Variants in SAV1 observed in about 807,000 individuals in gnomAD.
The protein encoded by SAV1 is salvador family WW domain containing protein 1.
Under a neutral mutation model 47.3 loss-of-function variants are expected in SAV1, and 23 were observed. That is an observed-to-expected ratio of 0.49 (90% confidence interval 0.35 to 0.69). The LOEUF (loss-of-function observed/expected upper bound fraction) is 0.69, where lower values mean the gene tolerates loss of function less well. Among genes scored for constraint, SAV1 ranks in the 30% least tolerant of loss-of-function variants. The pLI is 0.01. For synonymous variants in SAV1, 155 were observed against 159.2 expected (o/e 0.97, Z 0.20); for missense variants, 448 against 457.4 (o/e 0.98, Z 0.19).
In SAV1 at chr14:50,635,127, T is replaced by C; in HGVS notation, c.*56A>G. On this transcript the variant is annotated 3_prime_UTR_variant, in exon 5 of 5. Coordinates refer to ENST00000324679, the MANE Select transcript of SAV1 (RefSeq NM_021818.4). ...AACCAGAGTACTTGTTTGCAATTTT[T>C]TATCTGTGAAAATATTTTAAAGCTC... 1.5e-6 allele frequency: 2 copies of C among 1,355,956 alleles called. No individual in the cohort carries two copies. The highest frequency in any genetic ancestry group is 2.4e-5 in the South Asian group (2 of 82,530). The allele number at this position is 1,355,956 out of a possible 1,614,324, so 84.0% of individuals were successfully genotyped here.
In SAV1 at chr14:50,637,664, G is replaced by GTTTTTTTTTT. The variant is rs373647297; in HGVS notation, c.951-2290_951-2281dup. 4.3e-4 allele frequency: 25 copies of GTTTTTTTTTT among 58,278 alleles called. 1 individual carries two copies. Among genetic ancestry groups the GTTTTTTTTTT allele is most frequent in the African/African-American group, 1.1e-3 (25 of 23,142 alleles). 3.6% of individuals were successfully genotyped at this position (58,278 alleles called of 1,614,324 possible). A position where few individuals can be genotyped will look rare whatever the true frequency, so the allele number is the denominator to read the frequency against. On this transcript the variant is annotated intron_variant, in intron 4 of 4. Transcript: ENST00000324679. Reference sequence around the variant, plus strand: ...AAAAAATCTTCAAACAATTTTGTCAGTTTTTTTTTTTTTTTTTTTTTTTTT... The same window carrying GTTTTTTTTTT: ...AAAAAATCTTCAAACAATTTTGTCAGTTTTTTTTTTTTTTTTTTTTTTTTTTTTTTTTTTT...
At chr14:50,645,895 A>G (rs751207421) in intron 2 of SAV1, among the ~76,000 whole-genome samples, 17 of 152,168 alleles carry the variant, frequency 1.1e-4, no homozygotes, top group Non-Finnish European at 2.2e-4. Flanking sequence ...TGGAAACAAA[A>G]GTTATTGAGA....
chr14:50,667,571 T>A (rs999402010), intron 1 of SAV1: 27 of 501,090 alleles, frequency 5.4e-5, no homozygotes, highest in Non-Finnish European at 7.6e-5. Flanking sequence ...GCAATTTAAA[T>A]GTTTCCTACT....
At chr14:50,638,721 T>C (rs1251864650) in intron 4 of SAV1, among the ~76,000 whole-genome samples, 1 of 152,216 alleles carries the variant, frequency 6.6e-6, no homozygotes, top group Admixed American at 6.5e-5. Flanking sequence ...TAACAGAAAG[T>C]AAATATGTTC....
At chr14:50,639,766 G>T (rs941988910) in intron 4 of SAV1, among the ~76,000 whole-genome samples, 2 of 152,090 alleles carry the variant, frequency 1.3e-5, no homozygotes, top group African/African-American at 4.8e-5. Context: ...ACAACAGAAA[G>T]AATAACTCTC....
Position 50,639,611 on chromosome 14 carries a change from C to A in SAV1, c.950+1139G>T, listed in dbSNP as rs868114220. Among the ~76,000 whole-genome samples the A allele has an allele frequency of 2.0e-4, 31 of 152,246 alleles. No homozygotes were observed. The Middle Eastern group carries it at 0.017, about 84-fold the overall frequency. On this transcript the variant is annotated intron_variant, in intron 4 of 4. Transcript: ENST00000324679. Reference sequence around the variant, plus strand: ...GAGTTTTATAGTTAGCTCACAGAACCACAGAATTCAAAAAGACTATAATCT... The same window carrying A: ...GAGTTTTATAGTTAGCTCACAGAACAACAGAATTCAAAAAGACTATAATCT...
intron 4 of SAV1, among the ~76,000 whole-genome samples, chr14:50,640,180 T>G (rs1451472519): frequency 1.3e-5 from 2 of 152,174 alleles, no homozygotes; most frequent in African/African-American, 4.8e-5. Flanking sequence ...GACAGAGTCC[T>G]GCTATGTTGC....
intron 2 of SAV1, among the ~76,000 whole-genome samples, chr14:50,645,434 A>C (rs1424320334): frequency 6.6e-6 from 1 of 152,228 alleles, no homozygotes; most frequent in African/African-American, 2.4e-5. Context: ...TTTTATGCAC[A>C]AAATTATTTA....
Position 50,667,968 on chromosome 14 carries a change from C to G in SAV1, c.-1G>C, listed in dbSNP as rs753140432. 2.5e-6 allele frequency: 4 copies of G among 1,609,524 alleles called. No homozygotes were observed. In the South Asian group the frequency reaches 4.4e-5, roughly 18 times the overall value. ...TTTTGGTTTTCTTTCGGGACAGCAT[C>G]CTTCTCGACGAGGCCCGAGGCCGCG... On this transcript the variant is annotated 5_prime_UTR_variant, in exon 1 of 5. Transcript: ENST00000324679.
chr14:50,635,991 G>A (rs2140246156), intron 4 of SAV1, among the ~76,000 whole-genome samples: 1 of 152,248 alleles, frequency 6.6e-6, no homozygotes, highest in African/African-American at 2.4e-5. Context: ...AACTTTGGGA[G>A]CCACCGCGCC....
At chr14:50,642,686 A>G (rs1173274175) in intron 3 of SAV1, among the ~76,000 whole-genome samples, 1 of 152,190 alleles carries the variant, frequency 6.6e-6, no homozygotes, top group Admixed American at 6.5e-5. Context: ...GGAGAAAAAA[A>G]TGCATGTGTA....
At chr14:50,647,425 C>A (rs1446655820) in intron 2 of SAV1, among the ~76,000 whole-genome samples, 1 of 152,128 alleles carries the variant, frequency 6.6e-6, no homozygotes. Flanking sequence ...GCTGCAGTGA[C>A]ACGCACCTGT....
chr14:50,665,116 A>G, intron 2 of SAV1, 63 bp downstream of exon 2: 1 of 1,463,004 alleles, frequency 6.8e-7, no homozygotes, highest in East Asian at 2.5e-5. Flanking sequence ...CTAGAAAAGA[A>G]CATCTTTTTA....
chr14:50,666,004 G>T (rs1398695928), intron 1 of SAV1, among the ~76,000 whole-genome samples: 2 of 152,156 alleles, frequency 1.3e-5, no homozygotes, highest in African/African-American at 4.8e-5. Context: ...TAGTTAAGTA[G>T]TTTATTTTGT....
intron 2 of SAV1, among the ~76,000 whole-genome samples, chr14:50,653,415 T>C (rs572130777): frequency 3.9e-5 from 6 of 152,148 alleles, no homozygotes; most frequent in Non-Finnish European, 8.8e-5. Flanking sequence ...AATTATAATA[T>C]TCCAACTAAT....
At chr14:50,656,943 G>C (rs1420351784) in intron 2 of SAV1, among the ~76,000 whole-genome samples, 1 of 151,414 alleles carries the variant, frequency 6.6e-6, no homozygotes, top group South Asian at 2.1e-4. Context: ...CATTCCTCCA[G>C]TATGAGTTCA....
Position 50,668,115 on chromosome 14 carries a change from G to C in SAV1, c.-148C>G, listed in dbSNP as rs1399388976. 3 of 412,010 alleles carry C rather than the reference G, an allele frequency of 7.3e-6. No individual in the cohort carries two copies. In the Admixed American group the frequency reaches 1.5e-4, roughly 20 times the overall value. 25.5% of individuals were successfully genotyped at this position (412,010 alleles called of 1,614,324 possible). ...CCGCCGCCGCCTGTCCGGAGCCCGG[G>C]GTCGCCCGCAGGGACTGCCGCATGT... On this transcript the variant is annotated 5_prime_UTR_variant, in exon 1 of 5. Transcript: ENST00000324679.
In SAV1 at chr14:50,668,159, C is replaced by A. The variant is rs2039921576; in HGVS notation, c.-192G>T. ...CGCATGTTCAGGGCGCTAAGCGCGCCGGCCGCCGCTCAGTCGCTGGTCAGT... is the reference window on the plus strand; with the variant it reads ...CGCATGTTCAGGGCGCTAAGCGCGCAGGCCGCCGCTCAGTCGCTGGTCAGT... On this transcript the variant is annotated 5_prime_UTR_variant, in exon 1 of 5. Coordinates refer to ENST00000324679, the MANE Select transcript of SAV1 (RefSeq NM_021818.4). The A allele has an allele frequency of 6.5e-6, 2 of 308,884 alleles. No individual in the cohort carries two copies. The highest frequency in any genetic ancestry group is 1.1e-4 in the East Asian group (2 of 18,078). The allele number at this position is 308,884 out of a possible 1,614,324, so 19.1% of individuals were successfully genotyped here.
chr14:50,645,082 A>G (rs749092848), intron 2 of SAV1, 68 bp from the exon 3 acceptor site: 11 of 1,382,724 alleles, frequency 8.0e-6, no homozygotes, highest in Non-Finnish European at 3.9e-6. Flanking sequence ...TGTGCCAGCT[A>G]GCAAAGTCAC....
Sources: gnomAD v4.1 joint callset for allele counts (sites outside exome capture counted in the v4.1 genomes callset) on GRCh38, gnomAD v4.1.1 for gene constraint, MANE v1.5 for transcripts, NCBI Gene and HGNC (gene_info 2026-07-23, HGNC 2026-07-21) for gene names.